VPS35: variants seen among roughly 807,000 people sequenced by gnomAD.
VPS35 encodes the protein vacuolar protein sorting-associated protein 35.
A neutral mutation model predicts 98.1 loss-of-function variants in VPS35; 21 were observed. The observed-to-expected ratio is 0.21, with a 90% confidence interval of 0.15 to 0.31. The LOEUF is 0.31. Ranked by LOEUF, VPS35 falls within the 10% of genes least tolerant of loss-of-function variation. The probability of loss-of-function intolerance (pLI) is 1.00; values close to 1 mark genes in which losing one functional copy is unlikely to be tolerated. For synonymous variants in VPS35, 268 were observed against 318.2 expected (o/e 0.84, Z 1.68); for missense variants, 554 against 950.8 (o/e 0.58, Z 5.49).
intron 1 of VPS35, chr16:46,688,535 G>C: frequency 1.0e-6 from 1 of 990,866 alleles, no homozygotes; most frequent in Non-Finnish European, 1.2e-6. Flanking sequence ...GCGACCGTCA[G>C]GATTAGAAGA....
intron 1 of VPS35, 90 bp from the exon 2 acceptor site, chr16:46,683,696 C>A (rs1056184964): frequency 1.5e-5 from 19 of 1,298,670 alleles, no homozygotes; most frequent in Non-Finnish European, 1.9e-5. Flanking sequence ...CCTTCTCCAA[C>A]AATGTCCAGC....
Position 46,677,389 on chromosome 16 carries a change from T to C in VPS35, c.730A>G (p.Thr244Ala). The change falls in exon 7 of 17, where the codon ACT (threonine) becomes GCT (alanine). Residue 244 changes from threonine (T) to alanine (A), a missense_variant. By Grantham distance (58) the Thr-to-Ala change is moderately conservative. This residue lies in a region of VPS35 where 77 missense variants were observed against 222.3 expected (regional missense o/e 0.35). Coordinates refer to ENST00000299138, the MANE Select transcript of VPS35 (RefSeq NM_018206.6). The stretch of plus-strand genomic sequence containing the variant: ...TTTACAACTTGCTCCAATATGCCAG[T>C]CAAAACAATCTAAAAGAGAAAAAAC... ...NVERYKQIVL[T>A]GILEQVVNCR... The C allele has an allele frequency of 6.2e-7, 1 of 1,613,820 alleles. No individual in the cohort carries two copies. Among genetic ancestry groups the C allele is most frequent in the African/African-American group, 1.3e-5 (1 of 75,038 alleles).
chr16:46,679,259 C>T lies in VPS35; in HGVS notation c.507-103G>A. ...TACTTATCTCTATAGTACACCAATG[C>T]TTTATAAAAAATCACTTTCAACTTC... On this transcript the variant is annotated intron_variant, in intron 5 of 16. Coordinates refer to ENST00000299138, the MANE Select transcript of VPS35 (RefSeq NM_018206.6). 8.4e-6 allele frequency: 9 copies of T among 1,074,404 alleles called. No individual in the cohort carries two copies. The South Asian group carries it at 8.6e-5, about 10-fold the overall frequency. The allele number at this position is 1,074,404 out of a possible 1,614,324, so 66.6% of individuals were successfully genotyped here. A position where few individuals can be genotyped will look rare whatever the true frequency, so the allele number is the denominator to read the frequency against.
At chr16:46,681,681 G>T in intron 3 of VPS35, 181 bp from the exon 4 acceptor site, 2 of 696,196 alleles carry the variant, frequency 2.9e-6, no homozygotes, top group East Asian at 5.7e-5. Flanking sequence ...GGGTTTTAAA[G>T]CATGTGTGGT....
intron 11 of VPS35, 139 bp from the exon 12 acceptor site, chr16:46,671,999 C>T: frequency 8.5e-7 from 1 of 1,171,584 alleles, no homozygotes; most frequent in Non-Finnish European, 1.2e-6. Flanking sequence ...AGTCGATACA[C>T]ATGTATGTCA....
intron 1 of VPS35, chr16:46,688,768 G>C (rs1405062210): frequency 9.7e-6 from 12 of 1,232,230 alleles, no homozygotes; most frequent in Non-Finnish European, 1.2e-5. Context: ...CACGCGCCCC[G>C]GGGGCCAGAC....
intron 6 of VPS35, among the ~76,000 whole-genome samples, chr16:46,678,221 A>G (rs1350492516): frequency 6.6e-6 from 1 of 150,464 alleles, no homozygotes; most frequent in Non-Finnish European, 1.5e-5. Flanking sequence ...TATTAGTTGT[A>G]GACTAGGGTG....
chr16:46,660,598 C>T lies in VPS35; in HGVS notation c.2265G>A (p.Pro755=). The part of the protein sequence containing the change: ...QLIQKIREDL[P]NLESSEETEQ... ...CTGTTTCTTCACTGGATTCAAGATT[C>T]GGGAGGTCTTCTCGAATCTTTTGGA... is the stretch of plus-strand genomic sequence containing the variant. The change falls in exon 17 of 17, where the codon CCG becomes CCA. Residue 755 remains proline (P), a synonymous_variant. Coordinates refer to ENST00000299138, the MANE Select transcript of VPS35 (RefSeq NM_018206.6). 3.7e-6 allele frequency: 6 copies of T among 1,613,926 alleles called. No homozygotes were observed. The highest frequency in any genetic ancestry group is 4.2e-6 in the Non-Finnish European group (5 of 1,179,990).
intron 5 of VPS35, among the ~76,000 whole-genome samples, chr16:46,679,506 C>T (rs1966200901): frequency 6.6e-6 from 1 of 152,178 alleles, no homozygotes; most frequent in African/African-American, 2.4e-5. Context: ...GCAGGAAGAT[C>T]GCTTTAGGCC....
In VPS35 at chr16:46,682,068, T is replaced by G; in HGVS notation, c.199+11A>C. On this transcript the variant is annotated intron_variant, in intron 3 of 16. Transcript: ENST00000299138. Reference sequence around the variant, plus strand: ...GGTCCAAATGTTTAGTCTTCAACATTCAAAAGATACAAAGTTCATAGTAAC... The same window carrying G: ...GGTCCAAATGTTTAGTCTTCAACATGCAAAAGATACAAAGTTCATAGTAAC... The G allele has an allele frequency of 6.2e-7, 1 of 1,603,782 alleles. No homozygotes were observed. Among genetic ancestry groups the G allele is most frequent in the Non-Finnish European group, 8.5e-7 (1 of 1,170,780 alleles).
In VPS35 at chr16:46,668,973, G is replaced by T; in HGVS notation, c.1604C>A (p.Ala535Glu). Residue 535 changes from alanine to glutamate, a missense_variant, in exon 13 of 17, where the codon GCA (alanine) becomes GAA (glutamate). Physicochemically the swap from Ala to Glu is moderately radical, Grantham distance 107. Around this residue, in one of 5 missense-constraint regions of VPS35, gnomAD observed 254 missense variants for 390.1 expected, o/e 0.65. Coordinates refer to ENST00000299138, the MANE Select transcript of VPS35 (RefSeq NM_018206.6). Reference sequence around the variant, plus strand: ...ATATCGAAAAGCCAGCTGGTAAGCTGCAAATACCAAAGGTGGCAGTGTGAA... The same window carrying T: ...ATATCGAAAAGCCAGCTGGTAAGCTTCAAATACCAAAGGTGGCAGTGTGAA... ...IRFTLPPLVF[A>E]AYQLAFRYKE... The T allele has an allele frequency of 6.2e-7, 1 of 1,614,114 alleles. No individual in the cohort carries two copies. The highest frequency in any genetic ancestry group is 8.5e-7 in the Non-Finnish European group (1 of 1,180,016).
In VPS35 at chr16:46,660,401, G is replaced by A. The variant is rs1965893765; in HGVS notation, c.*71C>T. On this transcript the variant is annotated 3_prime_UTR_variant, in exon 17 of 17. Transcript: ENST00000299138. ...GCATTTCTGAAAGGCACAATCTATG[G>A]AAGGGAAACCTAGCGTAATAAAACC... The A allele has an allele frequency of 6.3e-7, 1 of 1,586,548 alleles. No homozygotes were observed. The highest frequency in any genetic ancestry group is 8.6e-7 in the Non-Finnish European group (1 of 1,163,808).
intron 2 of VPS35, 190 bp downstream of exon 2, chr16:46,683,318 T>C (rs1036536559): frequency 1.9e-5 from 12 of 628,452 alleles, no homozygotes; most frequent in East Asian, 5.5e-5. Context: ...ACCATAAATA[T>C]ACATGTGAGT....
rs1965875463 is a variant in VPS35 at position 46,659,478 on chromosome 16, G to A, written c.*994C>T. 6.6e-6 allele frequency: 1 copy of A among 152,190 alleles called. No homozygotes were observed. Among genetic ancestry groups the A allele is most frequent in the South Asian group, 2.1e-4 (1 of 4,830 alleles). The allele number at this position is 152,190 out of a possible 1,614,324, so 9.4% of individuals were successfully genotyped here. On this transcript the variant is annotated 3_prime_UTR_variant, in exon 17 of 17. Coordinates refer to ENST00000299138, the MANE Select transcript of VPS35 (RefSeq NM_018206.6). ...TTTATGTGAATTCATCATGCCTTGG[G>A]AAAAGCAGGGTAAAGTTGAGGAAAG...
At position 46,689,123 on chromosome 16, in the gene VPS35, G is replaced by T. The variant is rs1966378418; in HGVS notation, c.3+8C>A. ...CGACCCAGGTGCCACTGCCCCCTCAGCACTCACCATGGCGACTCCCCAGAG... is the reference window on the plus strand; with the variant it reads ...CGACCCAGGTGCCACTGCCCCCTCATCACTCACCATGGCGACTCCCCAGAG... On this transcript the variant is annotated splice_region_variant and intron_variant, in intron 1 of 16. Transcript: ENST00000299138. 6.2e-7 allele frequency: 1 copy of T among 1,608,930 alleles called. No homozygotes were observed. Among genetic ancestry groups the T allele is most frequent in the Non-Finnish European group, 8.5e-7 (1 of 1,178,498 alleles).
chr16:46,666,456 C>T (rs920649151), intron 13 of VPS35, among the ~76,000 whole-genome samples: 2 of 151,938 alleles, frequency 1.3e-5, no homozygotes, highest in Non-Finnish European at 1.5e-5. Context: ...TCAGTAGAGA[C>T]GGGGTTTCTC....
intron 1 of VPS35, among the ~76,000 whole-genome samples, chr16:46,685,861 GA>G (rs1966302286): frequency 6.6e-6 from 1 of 152,114 alleles, no homozygotes; most frequent in South Asian, 2.1e-4. Flanking sequence ...TTTTCTTTAT[GA>G]TACATCTGGA....
rs769119901 is a variant in VPS35, at chr16:46,660,499, C to A, written c.2364G>T (p.Gly788=). ...RLRRESPESE[G]PIYEGLIL ...AAAGGATGAGACCTTCATAAATTGG[C>A]CCCTCGGATTCTGGTGATTCCCGCC... Residue 788 remains glycine (G), a synonymous_variant, in exon 17 of 17, where the codon GGG becomes GGT. Transcript: ENST00000299138. The A allele has an allele frequency of 3.1e-6, 5 of 1,613,918 alleles. No individual in the cohort carries two copies. The highest frequency in any genetic ancestry group is 4.2e-6 in the Non-Finnish European group (5 of 1,180,000).
intron 14 of VPS35, 126 bp downstream of exon 14, chr16:46,662,857 T>A: frequency 2.0e-6 from 2 of 1,019,578 alleles, no homozygotes; most frequent in South Asian, 2.7e-5. Flanking sequence ...TCCATGATGG[T>A]GGGAAGGTGG....
Sources: allele counts gnomAD v4.1 joint callset (sites outside exome capture counted in the v4.1 genomes callset), GRCh38; gene constraint gnomAD v4.1.1; regional missense constraint gnomAD v4.1.1; transcripts MANE v1.5; gene names NCBI Gene and HGNC (gene_info 2026-07-23, HGNC 2026-07-21).